Variants in MROH2A observed in about 807,000 individuals in gnomAD.
MROH2A encodes maestro heat like repeat family member 2A, also known as maestro heat-like repeat-containing protein family member 2A.
In MROH2A, 174 loss-of-function variants were observed where a neutral mutation model predicts 200.4. The observed-to-expected ratio is 0.87, with a 90% CI of 0.77 to 0.98. The LOEUF is 0.98. MROH2A is among the 50% of genes least tolerant of loss of function. The pLI is 0.00. For synonymous variants in MROH2A, 829 were observed against 840.4 expected, an observed-to-expected ratio of 0.99 and a Z score of 0.23; for missense variants, 2,045 against 2,139.6, an observed-to-expected ratio of 0.96 and a Z score of 0.87.
chr2:233,812,506 T>C (rs1703225234), intron 24 of MROH2A, among the ~76,000 whole-genome samples: 1 of 152,206 alleles, frequency 6.6e-6, no homozygotes, highest in Admixed American at 6.5e-5. Context: ...ATTCATTACT[T>C]AGGCGCATAG....
intron 35 of MROH2A, among the ~76,000 whole-genome samples, chr2:233,824,243 A>G (rs988367116): frequency 1.3e-5 from 2 of 152,240 alleles, no homozygotes; most frequent in African/African-American, 4.8e-5. Flanking sequence ...AACCTTATTG[A>G]TGGACACTGG....
At chr2:233,791,430 G>A (rs1471835235) in intron 5 of MROH2A, among the ~76,000 whole-genome samples, 2 of 152,332 alleles carry the variant, frequency 1.3e-5, no homozygotes, top group Non-Finnish European at 1.5e-5. Context: ...TAGAAGCACT[G>A]AGAGTTGGGA....
At chr2:233,825,744 C>T (rs915078910) in intron 35 of MROH2A, among the ~76,000 whole-genome samples, 6 of 151,970 alleles carry the variant, frequency 3.9e-5, no homozygotes, top group Admixed American at 3.3e-4. Context: ...ATTTTTGCAT[C>T]GATGTTCATC....
intron 14 of MROH2A, among the ~76,000 whole-genome samples, chr2:233,801,959 A>C (rs1280256747): frequency 6.6e-6 from 1 of 151,946 alleles, no homozygotes; most frequent in African/African-American, 2.4e-5. Context: ...GGACTAGCAG[A>C]CTCTCTTGCC....
intron 35 of MROH2A, among the ~76,000 whole-genome samples, chr2:233,825,964 C>T (rs1252736587): frequency 9.2e-5 from 11 of 118,930 alleles, no homozygotes; most frequent in Non-Finnish European, 1.3e-4. Context: ...CTTGCTCTGT[C>T]GCCAGGCTGG....
At chr2:233,779,000 G>A (rs989710100) in intron 1 of MROH2A, among the ~76,000 whole-genome samples, 1 of 152,180 alleles carries the variant, frequency 6.6e-6, no homozygotes, top group Non-Finnish European at 1.5e-5. Flanking sequence ...TTGTAGGACT[G>A]AGGCCCTCAG....
chr2:233,777,999 A>C (rs1283793305), upstream of MROH2A, among the ~76,000 whole-genome samples: 1 of 152,088 alleles, frequency 6.6e-6, no homozygotes, highest in Non-Finnish European at 1.5e-5. Context: ...AGGGCCTCTC[A>C]GTCTGCCCCT....
chr2:233,827,746 T>G (rs554035205), intron 35 of MROH2A, among the ~76,000 whole-genome samples: 1 of 152,026 alleles, frequency 6.6e-6, no homozygotes, highest in Non-Finnish European at 1.5e-5. Flanking sequence ...AAAAAAAAAA[T>G]TAGGTTCAGG....
intron 28 of MROH2A, 60 bp downstream of exon 28, chr2:233,818,185 G>A: frequency 1.3e-6 from 2 of 1,538,562 alleles, no homozygotes; most frequent in South Asian, 2.4e-5. Context: ...GCTGACTCCA[G>A]GAGTATGGGC....
At chr2:233,813,297 A>C (rs750013353) in intron 24 of MROH2A, among the ~76,000 whole-genome samples, 1 of 149,934 alleles carries the variant, frequency 6.7e-6, no homozygotes, top group East Asian at 2.7e-4. Flanking sequence ...GCTGCTGGTG[A>C]TGGTGGTCCA....
At chr2:233,808,103 C>T (rs1399040781) in intron 21 of MROH2A, among the ~76,000 whole-genome samples, 2 of 152,220 alleles carry the variant, frequency 1.3e-5, no homozygotes, top group Non-Finnish European at 2.9e-5. Context: ...CAGCCCCTTG[C>T]TACTCATGGT....
chr2:233,804,982 C>T lies in MROH2A; in HGVS notation c.1945-22C>T, dbSNP rs200385384. On this transcript the variant is annotated intron_variant, in intron 18 of 41. Coordinates refer to ENST00000389758, the MANE Select transcript of MROH2A (RefSeq NM_001394639.1). Reference sequence around the variant, plus strand: ...GGATGAAGGCCTTTGGCCCTTCTCACCAACGTCTTGTGCCTCCCCAGTTTC... The same window carrying T: ...GGATGAAGGCCTTTGGCCCTTCTCATCAACGTCTTGTGCCTCCCCAGTTTC... The T allele has an allele frequency of 2.0e-3, 3,020 of 1,494,500 alleles. 3 individuals carry two copies. The highest frequency in any genetic ancestry group is 2.6e-3 in the Non-Finnish European group (2,805 of 1,097,304). The allele number at this position is 1,494,500 out of a possible 1,614,324, so 92.6% of individuals were successfully genotyped here.
intron 39 of MROH2A, 70 bp from the exon 40 acceptor site, chr2:233,832,107 G>C: frequency 7.7e-7 from 1 of 1,292,326 alleles, no homozygotes; most frequent in South Asian, 1.3e-5. Flanking sequence ...ATGGGAACAC[G>C]CTTGATGAAT....
At position 233,804,986 on chromosome 2, in the gene MROH2A, C is replaced by A; in HGVS notation, c.1945-18C>A. ...GAAGGCCTTTGGCCCTTCTCACCAA[C>A]GTCTTGTGCCTCCCCAGTTTCTGCG... On this transcript the variant is annotated intron_variant, in intron 18 of 41. Transcript: ENST00000389758. 4 of 1,509,314 alleles carry A rather than the reference C, an allele frequency of 2.7e-6. No homozygotes were observed. The highest frequency in any genetic ancestry group is 3.6e-6 in the Non-Finnish European group (4 of 1,110,700). The allele number at this position is 1,509,314 out of a possible 1,614,324, so 93.5% of individuals were successfully genotyped here. A position where few individuals can be genotyped will look rare whatever the true frequency, so the allele number is the denominator to read the frequency against.
intron 22 of MROH2A, 145 bp from the exon 23 acceptor site, chr2:233,810,649 A>G: frequency 9.5e-7 from 1 of 1,053,900 alleles, no homozygotes; most frequent in Non-Finnish European, 1.3e-6. Flanking sequence ...GTCGAAGGAC[A>G]GAGTGAGGCT....
chr2:233,832,238 A>G lies in MROH2A; in HGVS notation c.4796A>G (p.Asn1599Ser). 1 of 1,550,852 alleles carries G rather than the reference A, an allele frequency of 6.4e-7. No individual in the cohort carries two copies. The highest frequency in any genetic ancestry group is 2.0e-5 in the Admixed American group (1 of 51,020). Reference sequence around the variant, plus strand: ...CTAGAAACAATGGCCTATGTTAAAAATAACTTGTCAAGAATCAGAATCGCT... The same window carrying G: ...CTAGAAACAATGGCCTATGTTAAAAGTAACTTGTCAAGAATCAGAATCGCT... ...FLLETMAYVK[N>S]NLSRIRIAAC... is the part of the protein sequence containing the mutation. The change falls in exon 40 of 42, where the codon AAT (asparagine) becomes AGT (serine). Residue 1599 changes from asparagine (N) to serine (S), a missense_variant. Physicochemically the swap from Asn to Ser is conservative, Grantham distance 46 (BLOSUM62 1). Coordinates refer to ENST00000389758, the MANE Select transcript of MROH2A (RefSeq NM_001394639.1).
At position 233,822,573 on chromosome 2, in the gene MROH2A, T is replaced by C; in HGVS notation, c.3866+17T>C. 1 of 1,546,156 alleles carries C rather than the reference T, an allele frequency of 6.5e-7. No homozygotes were observed. Among genetic ancestry groups the C allele is most frequent in the Non-Finnish European group, 8.7e-7 (1 of 1,146,538 alleles). ...CCTGCAAAGGTGCTCTCGAGGGCGG[T>C]GGGTGCAAGGCAGCAGGCCTGGGCT... is the stretch of plus-strand genomic sequence containing the variant. On this transcript the variant is annotated intron_variant, in intron 33 of 41. Transcript: ENST00000389758.
At chr2:233,781,205 A>C (rs916913323) in intron 3 of MROH2A, among the ~76,000 whole-genome samples, 36 of 152,220 alleles carry the variant, frequency 2.4e-4, no homozygotes, top group Non-Finnish European at 4.7e-4. Context: ...ATGAAAATGC[A>C]GCTATCTCTT....
At chr2:233,814,547 A>G in intron 25 of MROH2A, 35 bp from the exon 26 acceptor site, 2 of 1,513,898 alleles carry the variant, frequency 1.3e-6, no homozygotes, top group Non-Finnish European at 1.8e-6. Flanking sequence ...GGTGCCCCTC[A>G]TTGCCGCCTA....
Sources: gnomAD v4.1 joint callset for allele counts (sites outside exome capture counted in the v4.1 genomes callset) on GRCh38, gnomAD v4.1.1 for gene constraint, MANE v1.5 for transcripts, NCBI Gene and HGNC (gene_info 2026-07-23, HGNC 2026-07-21) for gene names.